The following TSPYL5 variants were observed in gnomAD, a reference collection of about 807,000 sequenced individuals.
The protein encoded by TSPYL5 is testis-specific Y-encoded-like protein 5.
For synonymous variants in TSPYL5, 276 were observed against 236.1 expected (o/e 1.17, Z -1.55); for missense variants, 556 against 555.5 (o/e 1.00, Z -0.01).
Position 97,276,434 on chromosome 8 carries a change from G to T in TSPYL5, c.*157C>A. 1 of 950,382 alleles carries T rather than the reference G, an allele frequency of 1.1e-6. No homozygotes were observed. The highest frequency in any genetic ancestry group is 1.6e-6 in the Non-Finnish European group (1 of 624,654). The allele number at this position is 950,382 out of a possible 1,614,324, so 58.9% of individuals were successfully genotyped here. A position where few individuals can be genotyped will look rare whatever the true frequency, so the allele number is the denominator to read the frequency against. On this transcript the variant is annotated 3_prime_UTR_variant, in exon 1 of 1. Transcript: ENST00000322128. ...TAACGTAGAAAAGCAAGAGGCTATG[G>T]GAGGCAAAAGAACATGATCATAAAT...
Position 97,274,746 on chromosome 8 carries a change from G to A in TSPYL5, c.*1845C>T, listed in dbSNP as rs542808943. On this transcript the variant is annotated 3_prime_UTR_variant, in exon 1 of 1. Transcript: ENST00000322128. ...TGAGGCCTCCCTAACAAAAGAGAAG[G>A]TAGGGAAGAACAGGTGTAGATACAG... is the stretch of plus-strand genomic sequence containing the variant. The A allele has an allele frequency of 6.6e-6, 1 of 152,206 alleles. No individual in the cohort carries two copies. Among genetic ancestry groups the A allele is most frequent in the Non-Finnish European group, 1.5e-5 (1 of 68,066 alleles). 9.4% of individuals were successfully genotyped at this position (152,206 alleles called of 1,614,324 possible).
In TSPYL5 at chr8:97,277,101, G is replaced by A. The variant is rs34070970; in HGVS notation, c.744C>T (p.Ile248=). The part of the protein sequence containing the change: ...LERRNHLIQN[I]PGFWGQAFQN... Reference sequence around the variant, plus strand: ...GAAATGCTTGCCCCCAGAAGCCCGGGATATTTTGGATGAGGTGGTTCCTGC... The same window carrying A: ...GAAATGCTTGCCCCCAGAAGCCCGGAATATTTTGGATGAGGTGGTTCCTGC... Residue 248 remains isoleucine (I), a synonymous_variant, in exon 1 of 1, where the codon ATC becomes ATT. Coordinates refer to ENST00000322128, the MANE Select transcript of TSPYL5 (RefSeq NM_033512.3). This position sits in a 1 kb window ranked among gnomAD's most constrained non-coding sequence, Gnocchi z 4.5. The A allele has an allele frequency of 0.06, 97,133 of 1,611,800 alleles. 3,408 individuals are homozygous for A. The highest frequency in any genetic ancestry group is 0.068 in the Non-Finnish European group (80,154 of 1,179,996).
Position 97,277,695 on chromosome 8 carries a change from C to G in TSPYL5, c.150G>C (p.Ala50=). The change falls in exon 1 of 1, where the codon GCG becomes GCC. Residue 50 remains alanine (A), a synonymous_variant. Transcript: ENST00000322128. This position sits in a 1 kb window ranked among gnomAD's most constrained non-coding sequence, Gnocchi z 4.5. ...QYQSLGEDTQ[A]AQVQAGAGWG... is the part of the protein sequence containing the mutation. ...ACCCCGCGCCAGCCTGCACCTGTGC[C>G]GCCTGGGTGTCTTCCCCGAGACTCT... is the stretch of plus-strand genomic sequence containing the variant. 1 of 1,551,140 alleles carries G rather than the reference C, an allele frequency of 6.4e-7. No individual in the cohort carries two copies. Among genetic ancestry groups the G allele is most frequent in the African/African-American group, 1.4e-5 (1 of 70,436 alleles).
rs1363423640 is a variant in TSPYL5, at chr8:97,277,632, G to A, written c.213C>T (p.Leu71=). ...GGCAGGCGGCCTCCTCCCCGAGCCG[G>A]AGGAGCTGCGCGGACGCAGCGGCTT... ...GLEAAASAQL[L]RLGEEAACRL... Residue 71 remains leucine (L), a synonymous_variant, in exon 1 of 1, where the codon CTC becomes CTT. Coordinates refer to ENST00000322128, the MANE Select transcript of TSPYL5 (RefSeq NM_033512.3). The surrounding 1 kb of genome is among the most constrained non-coding windows in gnomAD (Gnocchi z 4.5). 1 of 1,450,842 alleles carries A rather than the reference G, an allele frequency of 6.9e-7. No homozygotes were observed. Among genetic ancestry groups the A allele is most frequent in the South Asian group, 1.5e-5 (1 of 68,550 alleles). 89.9% of individuals were successfully genotyped at this position (1,450,842 alleles called of 1,614,324 possible).
chr8:97,276,897 A>G lies in TSPYL5; in HGVS notation c.948T>C (p.Gly316=), dbSNP rs1404690406. ...AACGAGACACCACCTGGCCAGAAGG[A>G]CCACACCCATATTCCTTGATGAGCA... is the stretch of plus-strand genomic sequence containing the variant. ...NKVLIKEYGC[G]PSGQVVSRST... Residue 316 remains glycine (G), a synonymous_variant, in exon 1 of 1, where the codon GGT becomes GGC. Coordinates refer to ENST00000322128, the MANE Select transcript of TSPYL5 (RefSeq NM_033512.3). 2 of 1,614,038 alleles carry G rather than the reference A, an allele frequency of 1.2e-6. No individual in the cohort carries two copies. The highest frequency in any genetic ancestry group is 1.7e-6 in the Non-Finnish European group (2 of 1,180,038).
Position 97,277,513 on chromosome 8 carries a change from G to A in TSPYL5, c.332C>T (p.Ser111Phe). ...AARPGPGKAA[S>F]LSERLAADTV... ...GTCTGCGGCCAGGCGCTCCGAGAGA[G>A]ATGCGGCCTTCCCCGGGCCGGGCCT... Residue 111 changes from serine (S) to phenylalanine (F), a missense_variant, in exon 1 of 1, where the codon TCT becomes TTT. Physicochemically the swap from Ser to Phe is radical, Grantham distance 155. Coordinates refer to ENST00000322128, the MANE Select transcript of TSPYL5 (RefSeq NM_033512.3). The surrounding 1 kb of genome is among the most constrained non-coding windows in gnomAD (Gnocchi z 4.5). The A allele has an allele frequency of 6.6e-7, 1 of 1,520,014 alleles. No homozygotes were observed. The highest frequency in any genetic ancestry group is 8.8e-7 in the Non-Finnish European group (1 of 1,138,976). 94.2% of individuals were successfully genotyped at this position (1,520,014 alleles called of 1,614,324 possible).
rs1441125737 is a variant in TSPYL5, at chr8:97,273,811, A to C, written c.*2780T>G. ...CTTACCATATCAGAATTTTTGAAAG[A>C]GTTTTACAACAGAACAGTCTCTCTC... is the stretch of plus-strand genomic sequence containing the variant. On this transcript the variant is annotated 3_prime_UTR_variant, in exon 1 of 1. Transcript: ENST00000322128. 6.6e-6 allele frequency: 1 copy of C among 152,282 alleles called. No individual in the cohort carries two copies. The highest frequency in any genetic ancestry group is 2.4e-5 in the African/African-American group (1 of 41,462). 9.4% of individuals were successfully genotyped at this position (152,282 alleles called of 1,614,324 possible).
In TSPYL5 at chr8:97,277,672, C is replaced by A; in HGVS notation, c.173G>T (p.Gly58Val). 1 of 1,491,796 alleles carries A rather than the reference C, an allele frequency of 6.7e-7. No individual in the cohort carries two copies. Among genetic ancestry groups the A allele is most frequent in the South Asian group, 1.3e-5 (1 of 74,170 alleles). 92.4% of individuals were successfully genotyped at this position (1,491,796 alleles called of 1,614,324 possible). ...TQAAQVQAGA[G>V]WGGLEAAASA... ...CGCAGCGGCTTCCAGGCCACCCCAC[C>A]CCGCGCCAGCCTGCACCTGTGCCGC... Residue 58 changes from glycine to valine, a missense_variant, in exon 1 of 1, where the codon GGG becomes GTG. Coordinates refer to ENST00000322128, the MANE Select transcript of TSPYL5 (RefSeq NM_033512.3). This position sits in a 1 kb window ranked among gnomAD's most constrained non-coding sequence, Gnocchi z 4.5.
In TSPYL5 at chr8:97,277,631, G is replaced by A. The variant is rs775248243; in HGVS notation, c.214C>T (p.Arg72Trp). The part of the protein sequence containing the change: ...LEAAASAQLL[R>W]LGEEAACRLP... ...CGGCAGGCGGCCTCCTCCCCGAGCC[G>A]GAGGAGCTGCGCGGACGCAGCGGCT... Residue 72 changes from arginine to tryptophan, a missense_variant, in exon 1 of 1, where the codon CGG becomes TGG. Physicochemically the swap from Arg to Trp is moderately radical, Grantham distance 101. Coordinates refer to ENST00000322128, the MANE Select transcript of TSPYL5 (RefSeq NM_033512.3). The surrounding 1 kb of genome is among the most constrained non-coding windows in gnomAD (Gnocchi z 4.5). 6.9e-6 allele frequency: 10 copies of A among 1,448,662 alleles called. No homozygotes were observed. Among genetic ancestry groups the A allele is most frequent in the Non-Finnish European group, 8.2e-6 (9 of 1,103,522 alleles). 89.7% of individuals were successfully genotyped at this position (1,448,662 alleles called of 1,614,324 possible).
chr8:97,277,688 C>T lies in TSPYL5; in HGVS notation c.157G>A (p.Val53Met). The change falls in exon 1 of 1, where the codon GTG becomes ATG. Residue 53 changes from valine (V) to methionine (M), a missense_variant. Physicochemically the swap from Val to Met is conservative, Grantham distance 21 (BLOSUM62 1). Transcript: ENST00000322128. This position sits in a 1 kb window ranked among gnomAD's most constrained non-coding sequence, Gnocchi z 4.5. ...SLGEDTQAAQ[V>M]QAGAGWGGLE... ...CCACCCCACCCCGCGCCAGCCTGCACCTGTGCCGCCTGGGTGTCTTCCCCG... is the reference window on the plus strand; with the variant it reads ...CCACCCCACCCCGCGCCAGCCTGCATCTGTGCCGCCTGGGTGTCTTCCCCG... 6.5e-7 allele frequency: 1 copy of T among 1,545,638 alleles called. No individual in the cohort carries two copies. Among genetic ancestry groups the T allele is most frequent in the Non-Finnish European group, 8.7e-7 (1 of 1,150,334 alleles).
chr8:97,276,854 G>A lies in TSPYL5; in HGVS notation c.991C>T (p.Leu331Phe), dbSNP rs1810527610. The change falls in exon 1 of 1, where the codon CTC becomes TTC. Residue 331 changes from leucine (L) to phenylalanine (F), a missense_variant. Physicochemically the swap from Leu to Phe is conservative, Grantham distance 22. Transcript: ENST00000322128. ...VVSRSTPIQW[L>F]PGHDLQSLSQ... ...AGGGACTGGAGATCATGCCCTGGGAGCCACTGGATTGGAGTAGAACGAGAC... is the reference window on the plus strand; with the variant it reads ...AGGGACTGGAGATCATGCCCTGGGAACCACTGGATTGGAGTAGAACGAGAC... 1 of 1,614,070 alleles carries A rather than the reference G, an allele frequency of 6.2e-7. No homozygotes were observed. The highest frequency in any genetic ancestry group is 1.7e-5 in the Admixed American group (1 of 60,012).
rs146349792 is a variant in TSPYL5, at chr8:97,276,664, T to C, written c.1181A>G (p.Glu394Gly). ...TCCTGGACCTTGCCTGCCTTCTTTT[T>C]CCTTTCCTTTCTCTACACGAGCCCC... is the stretch of plus-strand genomic sequence containing the variant. Reference protein sequence around the residue: ...SEGARVEKGKEKEGRQGPGKQ... With the variant: ...SEGARVEKGKGKEGRQGPGKQ... The change falls in exon 1 of 1, where the codon GAA becomes GGA. Residue 394 changes from glutamate to glycine, a missense_variant. Transcript: ENST00000322128. The C allele has an allele frequency of 1.9e-5, 31 of 1,614,036 alleles. No homozygotes were observed. Among genetic ancestry groups the C allele is most frequent in the Non-Finnish European group, 2.5e-5 (29 of 1,180,030 alleles).
rs768178293 is a variant in TSPYL5 at position 97,277,669 on chromosome 8, C to G, written c.176G>C (p.Trp59Ser). Reference sequence around the variant, plus strand: ...GGACGCAGCGGCTTCCAGGCCACCCCACCCCGCGCCAGCCTGCACCTGTGC... The same window carrying G: ...GGACGCAGCGGCTTCCAGGCCACCCGACCCCGCGCCAGCCTGCACCTGTGC... ...QAAQVQAGAGWGGLEAAASAQ... is the reference protein window; with the variant it reads ...QAAQVQAGAGSGGLEAAASAQ... The change falls in exon 1 of 1, where the codon TGG becomes TCG. Residue 59 changes from tryptophan to serine, a missense_variant. Trp to Ser is a radical substitution (Grantham distance 177, BLOSUM62 -3). Transcript: ENST00000322128. This position sits in a 1 kb window ranked among gnomAD's most constrained non-coding sequence, Gnocchi z 4.5. 2.2e-5 allele frequency: 32 copies of G among 1,487,620 alleles called. No individual in the cohort carries two copies. The South Asian group carries it at 4.1e-4, about 19-fold the overall frequency. The allele number at this position is 1,487,620 out of a possible 1,614,324, so 92.2% of individuals were successfully genotyped here.
In TSPYL5 at chr8:97,276,644, G is replaced by A; in HGVS notation, c.1201C>T (p.Pro401Ser). 6.2e-7 allele frequency: 1 copy of A among 1,614,076 alleles called. No homozygotes were observed. Among genetic ancestry groups the A allele is most frequent in the South Asian group, 1.1e-5 (1 of 91,072 alleles). Residue 401 changes from proline (P) to serine (S), a missense_variant, in exon 1 of 1, where the codon CCA becomes TCA. Coordinates refer to ENST00000322128, the MANE Select transcript of TSPYL5 (RefSeq NM_033512.3). ...GTAGTCTCCATTGGCTGCTTTCCTGGACCTTGCCTGCCTTCTTTTTCCTTT... is the reference window on the plus strand; with the variant it reads ...GTAGTCTCCATTGGCTGCTTTCCTGAACCTTGCCTGCCTTCTTTTTCCTTT... ...KGKEKEGRQG[P>S]GKQPMETTQP...
chr8:97,276,658 T>C lies in TSPYL5; in HGVS notation c.1187A>G (p.Glu396Gly), dbSNP rs745988150. 27 of 1,614,054 alleles carry C rather than the reference T, an allele frequency of 1.7e-5. No individual in the cohort carries two copies. Among genetic ancestry groups the C allele is most frequent in the Non-Finnish European group, 1.5e-5 (18 of 1,180,040 alleles). The stretch of plus-strand genomic sequence containing the variant: ...CTGCTTTCCTGGACCTTGCCTGCCT[T>C]CTTTTTCCTTTCCTTTCTCTACACG... ...GARVEKGKEKEGRQGPGKQPM... is the reference protein window; with the variant it reads ...GARVEKGKEKGGRQGPGKQPM... Residue 396 changes from glutamate to glycine, a missense_variant, in exon 1 of 1, where the codon GAA (glutamate) becomes GGA (glycine). Glu to Gly is a moderately conservative substitution (Grantham distance 98, BLOSUM62 -2). Transcript: ENST00000322128.
chr8:97,277,612 G>C lies in TSPYL5; in HGVS notation c.233C>G (p.Ala78Gly). 1 of 1,431,190 alleles carries C rather than the reference G, an allele frequency of 7.0e-7. No homozygotes were observed. Among genetic ancestry groups the C allele is most frequent in the Non-Finnish European group, 9.1e-7 (1 of 1,094,478 alleles). The allele number at this position is 1,431,190 out of a possible 1,614,324, so 88.7% of individuals were successfully genotyped here. A position where few individuals can be genotyped will look rare whatever the true frequency, so the allele number is the denominator to read the frequency against. The change falls in exon 1 of 1, where the codon GCC (alanine) becomes GGC (glycine). Residue 78 changes from alanine (A) to glycine (G), a missense_variant. Coordinates refer to ENST00000322128, the MANE Select transcript of TSPYL5 (RefSeq NM_033512.3). The surrounding 1 kb of genome is among the most constrained non-coding windows in gnomAD (Gnocchi z 4.5). ...GCCACAGTCCAGGGGGAGCCGGCAG[G>C]CGGCCTCCTCCCCGAGCCGGAGGAG... ...AQLLRLGEEA[A>G]CRLPLDCGLA...
chr8:97,277,140 C>T lies in TSPYL5; in HGVS notation c.705G>A (p.Leu235=). The stretch of plus-strand genomic sequence containing the variant: ...GGTGGTTCCTGCGCTCCAAGTGCTG[C>T]AGTCGCAACTGCCCAAACTTCCTGG... ...RLSRKFGQLR[L]QHLERRNHLI... is the part of the protein sequence containing the mutation. Residue 235 remains leucine, a synonymous_variant, in exon 1 of 1, where the codon CTG becomes CTA. Coordinates refer to ENST00000322128, the MANE Select transcript of TSPYL5 (RefSeq NM_033512.3). This position sits in a 1 kb window ranked among gnomAD's most constrained non-coding sequence, Gnocchi z 4.5. The T allele has an allele frequency of 6.2e-7, 1 of 1,610,508 alleles. No individual in the cohort carries two copies. The highest frequency in any genetic ancestry group is 8.5e-7 in the Non-Finnish European group (1 of 1,180,010).
rs1162358221 is a variant in TSPYL5 at position 97,275,898 on chromosome 8, A to T, written c.*693T>A. On this transcript the variant is annotated 3_prime_UTR_variant, in exon 1 of 1. Transcript: ENST00000322128. ...CAGATCTTGATGAAAGTTCACCAGT[A>T]GAAGGGCCCAGAAGCAAGAAGAGAC... 6.6e-6 allele frequency: 1 copy of T among 152,300 alleles called. No homozygotes were observed. Among genetic ancestry groups the T allele is most frequent in the Non-Finnish European group, 1.5e-5 (1 of 68,098 alleles). The allele number at this position is 152,300 out of a possible 1,614,324, so 9.4% of individuals were successfully genotyped here. A position where few individuals can be genotyped will look rare whatever the true frequency, so the allele number is the denominator to read the frequency against.
Position 97,276,631 on chromosome 8 carries a change from G to A in TSPYL5, c.1214C>T (p.Pro405Leu). 1 of 1,613,996 alleles carries A rather than the reference G, an allele frequency of 6.2e-7. No homozygotes were observed. Among genetic ancestry groups the A allele is most frequent in the Non-Finnish European group, 8.5e-7 (1 of 1,179,920 alleles). Residue 405 changes from proline (P) to leucine (L), a missense_variant, in exon 1 of 1, where the codon CCA becomes CTA. Transcript: ENST00000322128. ...CACCCCAGGCTGAGTAGTCTCCATT[G>A]GCTGCTTTCCTGGACCTTGCCTGCC... Reference protein sequence around the residue: ...KEGRQGPGKQPMETTQPGVSQ... With the variant: ...KEGRQGPGKQLMETTQPGVSQ...
Sources: allele counts gnomAD v4.1 joint callset, GRCh38; gene constraint gnomAD v4.1.1; non-coding constraint Gnocchi (gnomAD v3.1); transcripts MANE v1.5; gene names NCBI Gene and HGNC (gene_info 2026-07-23, HGNC 2026-07-21).